Variants in COL20A1 observed in about 807,000 individuals in gnomAD.
COL20A1 encodes collagen type XX alpha 1 chain.
A neutral mutation model predicts 152.9 loss-of-function variants in COL20A1; 164 were observed. The ratio of observed to expected loss-of-function variants is 1.07; its 90% CI spans 0.94 to 1.22. The LOEUF is 1.22. Ranked by LOEUF, COL20A1 falls within the 50% of genes most tolerant of loss-of-function variation. The pLI, the probability that COL20A1 is intolerant of heterozygous loss-of-function variation, is 0.00. For synonymous variants in COL20A1, 864 were observed against 756.0 expected (o/e 1.14, Z -2.34); for missense variants, 1,873 against 1,744.8 (o/e 1.07, Z -1.31).
At chr20:63,315,267 G>A (rs2068069445) in intron 19 of COL20A1, 137 bp from the exon 20 acceptor site, 1 of 854,424 alleles carries the variant, frequency 1.2e-6, no homozygotes, top group East Asian at 2.7e-5. Flanking sequence ...GTGGCAGATG[G>A]GACATAGCAC....
chr20:63,298,950 C>T (rs1410380187), intron 3 of COL20A1, among the ~76,000 whole-genome samples: 1 of 152,254 alleles, frequency 6.6e-6, no homozygotes, highest in Non-Finnish European at 1.5e-5. Flanking sequence ...CCACCCTCCC[C>T]TGCTCCCTGG....
chr20:63,311,597 G>A lies in COL20A1; in HGVS notation c.1540-28G>A. The A allele has an allele frequency of 6.2e-7, 1 of 1,610,436 alleles. No homozygotes were observed. The highest frequency in any genetic ancestry group is 1.1e-5 in the South Asian group (1 of 90,900). On this transcript the variant is annotated intron_variant, in intron 12 of 35. Coordinates refer to ENST00000358894, the MANE Select transcript of COL20A1 (RefSeq NM_020882.4). The surrounding 1 kb of genome is among the most constrained non-coding windows in gnomAD (Gnocchi z 4.4). ...GAGGAGTGGGGCAGAGCGAGTGGGG[G>A]CTGGCCTGGGACGTCATGTCTCTGC...
Position 63,313,172 on chromosome 20 carries a change from CAG to C in COL20A1, c.2135_2136del (p.Glu712ValfsTer16). On this transcript the variant is annotated frameshift_variant, in exon 17 of 36. Coordinates refer to ENST00000358894, the MANE Select transcript of COL20A1 (RefSeq NM_020882.4). LOFTEE classifies it high-confidence loss of function. The surrounding 1 kb of genome is among the most constrained non-coding windows in gnomAD (Gnocchi z 5.9). ...GTCCTGCCTGGCCTAGGGAGGCACA[CAG>C]AGTACGACGTCACCATCTTGGCCTA... is the stretch of plus-strand genomic sequence containing the variant. 2 of 1,612,450 alleles carry C rather than the reference CAG, an allele frequency of 1.2e-6. No individual in the cohort carries two copies. The highest frequency in any genetic ancestry group is 1.7e-6 in the Non-Finnish European group (2 of 1,179,690).
chr20:63,320,196 C>T lies in COL20A1; in HGVS notation c.3074C>T (p.Ala1025Val), dbSNP rs747638242. The change falls in exon 24 of 36, where the codon GCG becomes GTG. Residue 1025 changes from alanine to valine, a missense_variant and splice_region_variant. Physicochemically the swap from Ala to Val is moderately conservative, Grantham distance 64. Transcript: ENST00000358894. ...KARGPRSSSA[A>V]FQLQMLQIVC... ...AGGGGCCCCCGGAGCAGTTCGGCCG[C>T]GGTGAGTTGGGCCCTGCCCACCTGC... The T allele has an allele frequency of 5.6e-5, 89 of 1,588,170 alleles. No homozygotes were observed. The highest frequency in any genetic ancestry group is 7.0e-5 in the Non-Finnish European group (82 of 1,170,074).
chr20:63,308,513 C>T (rs1288398525), intron 7 of COL20A1, 29 bp from the exon 8 acceptor site: 14 of 1,534,036 alleles, frequency 9.1e-6, no homozygotes, highest in Non-Finnish European at 1.2e-5. Flanking sequence ...CTGGCAGCTG[C>T]CTGTCACTTT....
In COL20A1 at chr20:63,317,358, C is replaced by T. The variant is rs571848468; in HGVS notation, c.2663+667C>T. Among the ~76,000 whole-genome samples, 20 of 151,228 alleles carry T rather than the reference C, an allele frequency of 1.3e-4. 1 individual carries two copies. The South Asian group carries it at 2.1e-3, about 16-fold the overall frequency. On this transcript the variant is annotated intron_variant, in intron 21 of 35. Coordinates refer to ENST00000358894, the MANE Select transcript of COL20A1 (RefSeq NM_020882.4). ...GCAGGCACCTGTATTCCCAGCTACT[C>T]GGGAGGCTGAGGTGGGAGCATGTCT...
At chr20:63,310,041 A>G in intron 10 of COL20A1, 126 bp downstream of exon 10, 4 of 914,366 alleles carry the variant, frequency 4.4e-6, no homozygotes, top group Non-Finnish European at 6.5e-6. Flanking sequence ...GGGGGTGTCG[A>G]GGGGCTGACA....
Position 63,312,738 on chromosome 20 carries a change from GA to G in COL20A1, c.1934-53del, listed in dbSNP as rs1386648718. The G allele has an allele frequency of 3.3e-6, 5 of 1,494,862 alleles. No individual in the cohort carries two copies. In the African/African-American group the frequency reaches 7.0e-5, roughly 21 times the overall value. 92.6% of individuals were successfully genotyped at this position (1,494,862 alleles called of 1,614,324 possible). A position where few individuals can be genotyped will look rare whatever the true frequency, so the allele number is the denominator to read the frequency against. Reference sequence around the variant, plus strand: ...TCCTGGGTGTGGCTGCCCCTCCTCTGAGGTGCCCAGGCTCAGGGGCTACACC... The same window carrying G: ...TCCTGGGTGTGGCTGCCCCTCCTCTGGGTGCCCAGGCTCAGGGGCTACACC... On this transcript the variant is annotated intron_variant, in intron 15 of 35. Coordinates refer to ENST00000358894, the MANE Select transcript of COL20A1 (RefSeq NM_020882.4).
chr20:63,331,542 A>G lies in COL20A1; in HGVS notation c.*826A>G, dbSNP rs566629438. 1.3e-5 allele frequency: 2 copies of G among 152,262 alleles called. No homozygotes were observed. Among genetic ancestry groups the G allele is most frequent in the Non-Finnish European group, 2.9e-5 (2 of 68,116 alleles). 9.4% of individuals were successfully genotyped at this position (152,262 alleles called of 1,614,324 possible). On this transcript the variant is annotated 3_prime_UTR_variant, in exon 36 of 36. Transcript: ENST00000358894. ...ACCTCTGCCCAGGTCTCTCCCAACC[A>G]TCACAGACGCTGTGTGAGCCTGGAC... is the stretch of plus-strand genomic sequence containing the variant.
intron 2 of COL20A1, among the ~76,000 whole-genome samples, chr20:63,296,554 T>C (rs2067796179): frequency 6.6e-6 from 1 of 152,214 alleles, no homozygotes; most frequent in Non-Finnish European, 1.5e-5. Flanking sequence ...AGCGTGGTCC[T>C]GGGTGGGGCC....
chr20:63,327,887 C>G lies in COL20A1; in HGVS notation c.3529-65C>G. The G allele has an allele frequency of 4.0e-6, 6 of 1,511,470 alleles. No homozygotes were observed. The South Asian group carries it at 6.0e-5, about 15-fold the overall frequency. 93.6% of individuals were successfully genotyped at this position (1,511,470 alleles called of 1,614,324 possible). A position where few individuals can be genotyped will look rare whatever the true frequency, so the allele number is the denominator to read the frequency against. On this transcript the variant is annotated intron_variant, in intron 31 of 35. Transcript: ENST00000358894. The stretch of plus-strand genomic sequence containing the variant: ...GTGAGGATCCACCTCAGGGCCATCT[C>G]ACACTTGTCACGTGTGGTCTCAGGC...
In COL20A1 at chr20:63,319,180, T is replaced by A. The variant is rs748431678; in HGVS notation, c.2786T>A (p.Leu929His). ...ATGACAGCCGAGGACTTCCAGCCCC[T>A]CCTTGGGGTTCTGCTGGATGGTGAC... is the stretch of plus-strand genomic sequence containing the variant. ...WQMTAEDFQP[L>H]LGVLLDAGKK... The change falls in exon 22 of 36, where the codon CTC (leucine) becomes CAC (histidine). Residue 929 changes from leucine (L) to histidine (H), a missense_variant. Leu to His is a moderately conservative substitution (Grantham distance 99). Transcript: ENST00000358894. The surrounding 1 kb of genome is among the most constrained non-coding windows in gnomAD (Gnocchi z 4.4). 2 of 1,611,970 alleles carry A rather than the reference T, an allele frequency of 1.2e-6. No homozygotes were observed. The highest frequency in any genetic ancestry group is 3.3e-5 in the Admixed American group (2 of 59,860).
chr20:63,312,464 C>A lies in COL20A1; in HGVS notation c.1848C>A (p.Leu616=). Residue 616 remains leucine, a synonymous_variant, in exon 15 of 36, where the codon CTC becomes CTA. Transcript: ENST00000358894. ...CCACCTCGGCCACGCTGGGGCCTCT[C>A]TCTTCCTCCACCACCTACACTGTCC... The part of the protein sequence containing the change: ...GNATSATLGP[L]SSSTTYTVRV... 1 of 1,608,194 alleles carries A rather than the reference C, an allele frequency of 6.2e-7. No individual in the cohort carries two copies. Among genetic ancestry groups the A allele is most frequent in the South Asian group, 1.1e-5 (1 of 90,742 alleles).
Position 63,311,385 on chromosome 20 carries a change from G to A in COL20A1, c.1394-9G>A. 6.4e-7 allele frequency: 1 copy of A among 1,574,686 alleles called. No individual in the cohort carries two copies. Among genetic ancestry groups the A allele is most frequent in the Non-Finnish European group, 8.6e-7 (1 of 1,161,836 alleles). On this transcript the variant is annotated splice_polypyrimidine_tract_variant and intron_variant, in intron 11 of 35. Transcript: ENST00000358894. The surrounding 1 kb of genome is among the most constrained non-coding windows in gnomAD (Gnocchi z 4.4). ...CTCCTTCCTAAAGTGTCCCTGCATGGCCCCCCAGCACCTCTGCCTCCGCCC... is the reference window on the plus strand; with the variant it reads ...CTCCTTCCTAAAGTGTCCCTGCATGACCCCCCAGCACCTCTGCCTCCGCCC...
intron 27 of COL20A1, among the ~76,000 whole-genome samples, chr20:63,323,595 G>C (rs539594240): frequency 6.6e-6 from 1 of 152,294 alleles, no homozygotes; most frequent in East Asian, 1.9e-4. Flanking sequence ...CTGGTCGCCT[G>C]AGTCGTTCAT....
chr20:63,329,541 C>T, intron 34 of COL20A1, 44 bp from the exon 35 acceptor site: 1 of 1,507,452 alleles, frequency 6.6e-7, no homozygotes, highest in Non-Finnish European at 9.1e-7. Flanking sequence ...GGGCCCCAAG[C>T]CACTGCATTG....
chr20:63,323,582 C>T (rs1302611765), intron 27 of COL20A1, among the ~76,000 whole-genome samples: 1 of 152,164 alleles, frequency 6.6e-6, no homozygotes, highest in African/African-American at 2.4e-5. Context: ...TCACAGACCA[C>T]CCCTGGTCGC....
intron 33 of COL20A1, 57 bp from the exon 34 acceptor site, chr20:63,328,274 C>G: frequency 6.4e-7 from 1 of 1,571,460 alleles, no homozygotes; most frequent in Admixed American, 1.8e-5. Context: ...GTGGCCTGCA[C>G]AGGCCTCGCA....
At chr20:63,307,671 T>C (rs780474706) in intron 6 of COL20A1, 23 bp downstream of exon 6, 1 of 1,603,592 alleles carries the variant, frequency 6.2e-7, no homozygotes, top group Admixed American at 1.7e-5. Flanking sequence ...CCGGCCCGCC[T>C]CCTGCCCCAC....
Sources: allele counts gnomAD v4.1 joint callset (sites outside exome capture counted in the v4.1 genomes callset), GRCh38; gene constraint gnomAD v4.1.1; non-coding constraint Gnocchi (gnomAD v3.1); transcripts MANE v1.5; gene names NCBI Gene and HGNC (gene_info 2026-07-23, HGNC 2026-07-21).